KCNH5: variants seen among roughly 807,000 people sequenced by gnomAD.
The protein encoded by KCNH5 is voltage-gated delayed rectifier potassium channel KCNH5.
A neutral mutation model predicts 96.1 loss-of-function variants in KCNH5; 46 were observed. That is an observed-to-expected ratio of 0.48 (90% CI 0.38 to 0.61). The LOEUF is 0.61. Among genes scored for constraint, KCNH5 ranks in the 20% least tolerant of loss-of-function variants. The pLI, the probability that KCNH5 is intolerant of heterozygous loss-of-function variation, is 0.00. For missense variants in KCNH5, 907 were observed against 1,225.8 expected (o/e 0.74, Z 3.88); for synonymous variants, 439 against 449.8 (o/e 0.98, Z 0.30).
chr14:63,022,389 C>A (rs552594731), intron 1 of KCNH5, among the ~76,000 whole-genome samples: 59 of 152,310 alleles, frequency 3.9e-4, no homozygotes, highest in African/African-American at 1.4e-3. Context: ...CTGATTTACT[C>A]AGAACCTCTG....
chr14:62,949,479 C>T (rs2040673421), intron 7 of KCNH5, among the ~76,000 whole-genome samples: 1 of 152,212 alleles, frequency 6.6e-6, no homozygotes, highest in Admixed American at 6.5e-5. Context: ...GCCATCCAGT[C>T]ACAGTCTGAG....
rs1006748159 is a variant in KCNH5, at chr14:63,031,025, C to A, written c.74-14071G>T. ...GCATTTTAACAAGATCCTCAGGTGA[C>A]CCCAAAATGCACCCATCTTCTGCTT... is the stretch of plus-strand genomic sequence containing the variant. On this transcript the variant is annotated intron_variant, in intron 1 of 10. Coordinates refer to ENST00000322893, the MANE Select transcript of KCNH5 (RefSeq NM_139318.5). 2.6e-5 allele frequency among the ~76,000 whole-genome samples: 4 copies of A among 151,908 alleles called. No individual in the cohort carries two copies. In the East Asian group the frequency reaches 7.7e-4, roughly 29 times the overall value.
chr14:62,923,706 T>C (rs139017624), intron 7 of KCNH5, among the ~76,000 whole-genome samples: 5 of 151,638 alleles, frequency 3.3e-5, no homozygotes, highest in African/African-American at 7.2e-5. Context: ...ATGCCAAGAG[T>C]ACACAATGGG....
At chr14:62,999,887 GA>G (rs1185080906) in intron 4 of KCNH5, among the ~76,000 whole-genome samples, 79 of 143,552 alleles carry the variant, frequency 5.5e-4, no homozygotes, top group East Asian at 2.2e-3. Flanking sequence ...AAAGGGAAAA[GA>G]AAAAAAAAAC....
At chr14:62,843,789 A>G (rs1408382821) in intron 8 of KCNH5, among the ~76,000 whole-genome samples, 1 of 152,128 alleles carries the variant, frequency 6.6e-6, no homozygotes. Flanking sequence ...GGCTTCAACT[A>G]TGATATATAC....
intron 4 of KCNH5, 114 bp downstream of exon 4, chr14:63,001,217 G>C: frequency 1.2e-6 from 1 of 859,968 alleles, no homozygotes; most frequent in Non-Finnish European, 1.7e-6. Flanking sequence ...TGAAGCAAAA[G>C]AAAGGCCACA....
intron 8 of KCNH5, among the ~76,000 whole-genome samples, chr14:62,814,807 A>AAAAAAAAAAAAAAAT (rs1886943811): frequency 6.7e-6 from 1 of 148,604 alleles, no homozygotes; most frequent in Non-Finnish European, 1.5e-5. Flanking sequence ...AAAAAAAAAA[A>AAAAAAAAAAAAAAAT]AAAAGAATGA....
chr14:62,802,797 A>G (rs964790947), intron 8 of KCNH5, among the ~76,000 whole-genome samples: 1 of 152,164 alleles, frequency 6.6e-6, no homozygotes, highest in Non-Finnish European at 1.5e-5. Flanking sequence ...GGACCATGAC[A>G]ATGCAGAACT....
At chr14:62,853,192 C>T (rs1566682460) in intron 7 of KCNH5, among the ~76,000 whole-genome samples, 1 of 151,954 alleles carries the variant, frequency 6.6e-6, no homozygotes, top group Non-Finnish European at 1.5e-5. Flanking sequence ...CGTATAGCTT[C>T]AATTCAATCA....
At position 62,879,655 on chromosome 14, in the gene KCNH5, G is replaced by A. The variant is rs550231443; in HGVS notation, c.1370-29803C>T. Among the ~76,000 whole-genome samples, 87 of 152,146 alleles carry A rather than the reference G, an allele frequency of 5.7e-4. 2 individuals are homozygous for A. The South Asian group carries it at 7.5e-3, about 13-fold the overall frequency. On this transcript the variant is annotated intron_variant, in intron 7 of 10. Transcript: ENST00000322893. ...CAATTTTTATATTACTATCTGTAGC[G>A]TGATACAGTTATCTTACTCTGCTCT...
At chr14:62,784,992 T>C (rs1886291759) in intron 9 of KCNH5, among the ~76,000 whole-genome samples, 1 of 152,184 alleles carries the variant, frequency 6.6e-6, no homozygotes, top group Admixed American at 6.5e-5. Context: ...AAGTAGATAA[T>C]TCTGCCCCCA....
intron 9 of KCNH5, among the ~76,000 whole-genome samples, chr14:62,798,891 A>G (rs1886592591): frequency 6.6e-6 from 1 of 152,066 alleles, no homozygotes; most frequent in Non-Finnish European, 1.5e-5. Context: ...TTTTAAAATA[A>G]CCTCCCTTCT....
At chr14:62,953,568 A>G (rs1260539237) in intron 6 of KCNH5, among the ~76,000 whole-genome samples, 1 of 152,164 alleles carries the variant, frequency 6.6e-6, no homozygotes, top group African/African-American at 2.4e-5. Flanking sequence ...GTTATCTTCT[A>G]TCATGTGAAT....
chr14:62,715,812 G>A (rs1315707045), intron 10 of KCNH5, among the ~76,000 whole-genome samples: 2 of 152,056 alleles, frequency 1.3e-5, no homozygotes, highest in Non-Finnish European at 2.9e-5. Context: ...AGGAAAAAGA[G>A]AGGAAGGCAG....
chr14:62,989,971 C>T (rs1890779722), intron 4 of KCNH5, among the ~76,000 whole-genome samples: 1 of 151,716 alleles, frequency 6.6e-6, no homozygotes, highest in South Asian at 2.1e-4. Context: ...TTATAATTGC[C>T]TTGACTATTT....
chr14:62,916,849 T>G (rs1889285213), intron 7 of KCNH5, among the ~76,000 whole-genome samples: 1 of 152,228 alleles, frequency 6.6e-6, no homozygotes, highest in African/African-American at 2.4e-5. Flanking sequence ...ATGATTGATT[T>G]ATCTCAACTG....
chr14:62,856,899 G>A (rs1007268466), intron 7 of KCNH5, among the ~76,000 whole-genome samples: 5 of 151,948 alleles, frequency 3.3e-5, no homozygotes, highest in South Asian at 2.1e-4. Context: ...ACTATTTGAC[G>A]CATTTTCCCT....
intron 6 of KCNH5, among the ~76,000 whole-genome samples, chr14:62,976,949 A>G (rs147710056): frequency 2.6e-5 from 4 of 152,238 alleles, no homozygotes; most frequent in African/African-American, 4.8e-5. Flanking sequence ...TGAATTAGTG[A>G]TAAGAACATA....
intron 8 of KCNH5, among the ~76,000 whole-genome samples, chr14:62,820,377 C>T (rs1343074779): frequency 6.2e-5 from 9 of 145,316 alleles, no homozygotes; most frequent in African/African-American, 2.3e-4. Flanking sequence ...GATGGAGTCT[C>T]ACTCTGTCAC....
Sources: allele counts gnomAD v4.1 joint callset (sites outside exome capture counted in the v4.1 genomes callset), GRCh38; gene constraint gnomAD v4.1.1; transcripts MANE v1.5; gene names NCBI Gene and HGNC (gene_info 2026-07-23, HGNC 2026-07-21).